The following FAM161A variants were observed in gnomAD, a reference collection of about 807,000 sequenced individuals.
FAM161A encodes the protein protein FAM161A.
Under a neutral mutation model 70.9 loss-of-function variants are expected in FAM161A, and 57 were observed. The ratio of observed to expected loss-of-function variants is 0.80; its 90% CI spans 0.65 to 1.00. The LOEUF (loss-of-function observed/expected upper bound fraction) is 1.00, where lower values mean the gene tolerates loss of function less well. FAM161A is among the 50% of genes least tolerant of loss of function. The pLI is 0.00. For synonymous variants in FAM161A, 299 were observed against 295.7 expected (o/e 1.01, Z -0.12); for missense variants, 880 against 836.0 (o/e 1.05, Z -0.65).
chr2:61,837,587 G>A lies in FAM161A; in HGVS notation c.1751+951C>T, dbSNP rs901685980. Among the ~76,000 whole-genome samples the A allele has an allele frequency of 7.2e-5, 11 of 152,084 alleles. 1 individual carries two copies. Among genetic ancestry groups the A allele is most frequent in the Admixed American group, 2.0e-4 (3 of 15,266 alleles). On this transcript the variant is annotated intron_variant, in intron 4 of 6. Transcript: ENST00000404929. ...AGTTTGAGACCAGCTTGGCCAACAT[G>A]GCAAAACCTCATCTCTACCAAAAAT...
chr2:61,801,913 T>C, the FAM161A span, among the ~76,000 whole-genome samples: 1 of 152,264 alleles, frequency 6.6e-6, no homozygotes, highest in East Asian at 1.9e-4. Context: ...ACTCTAGGAA[T>C]GTAATACAAC....
chr2:61,839,118 T>C (rs898046790), intron 3 of FAM161A, among the ~76,000 whole-genome samples: 1 of 151,798 alleles, frequency 6.6e-6, no homozygotes, highest in African/African-American at 2.4e-5. Context: ...CTCCTGACCT[T>C]GTGATCCACC....
Position 61,837,530 on chromosome 2 carries a change from A to G in FAM161A, c.1751+1008T>C, listed in dbSNP as rs551481960. Among the ~76,000 whole-genome samples the G allele has an allele frequency of 1.8e-3, 272 of 152,250 alleles. 1 individual carries two copies. Among genetic ancestry groups the G allele is most frequent in the African/African-American group, 6.2e-3 (257 of 41,550 alleles). On this transcript the variant is annotated intron_variant, in intron 4 of 6. Transcript: ENST00000404929. ...ACGCCTGTAATCCCAGCACTTTGGG[A>G]GGCCAAGGTAGGCAGATCACCTGAG...
At chr2:61,812,119 C>A in the FAM161A span, among the ~76,000 whole-genome samples, 1 of 152,068 alleles carries the variant, frequency 6.6e-6, no homozygotes, top group South Asian at 2.1e-4. Flanking sequence ...ATTAGAGAGG[C>A]CTTCTTGACT....
At chr2:61,850,611 G>T (rs1313627577) in intron 1 of FAM161A, among the ~76,000 whole-genome samples, 3 of 151,964 alleles carry the variant, frequency 2.0e-5, no homozygotes, top group Non-Finnish European at 4.4e-5. Flanking sequence ...AAATTAGCTG[G>T]GCGTGGTGGC....
chr2:61,802,264 G>T, the FAM161A span, among the ~76,000 whole-genome samples: 1 of 152,066 alleles, frequency 6.6e-6, no homozygotes, highest in Non-Finnish European at 1.5e-5. Context: ...TTCCTTCTCT[G>T]GAGCACCCCA....
At chr2:61,801,009 G>C in the FAM161A span, among the ~76,000 whole-genome samples, 2 of 151,714 alleles carry the variant, frequency 1.3e-5, no homozygotes, top group African/African-American at 2.4e-5. Flanking sequence ...TGGCCAGGCT[G>C]GTCTTGAACT....
At chr2:61,815,144 T>A in the FAM161A span, among the ~76,000 whole-genome samples, 1 of 152,182 alleles carries the variant, frequency 6.6e-6, no homozygotes, top group Non-Finnish European at 1.5e-5. Flanking sequence ...AGACCTTAAG[T>A]CCACACAGCT....
intron 1 of FAM161A, among the ~76,000 whole-genome samples, chr2:61,847,666 G>A (rs886779093): frequency 1.3e-5 from 2 of 152,194 alleles, no homozygotes; most frequent in African/African-American, 4.8e-5. Flanking sequence ...CAGCTAGTTG[G>A]GGGACTGAGG....
At chr2:61,801,681 C>T in the FAM161A span, among the ~76,000 whole-genome samples, 1 of 151,778 alleles carries the variant, frequency 6.6e-6, no homozygotes, top group Non-Finnish European at 1.5e-5. Context: ...CTGCCTTAGC[C>T]TCCTGAGCAG....
intron 1 of FAM161A, among the ~76,000 whole-genome samples, chr2:61,853,138 C>G (rs1188503235): frequency 1.3e-5 from 2 of 151,924 alleles, no homozygotes; most frequent in East Asian, 3.9e-4. Context: ...TCTCGAACTC[C>G]TGACCTCGTA....
chr2:61,808,772 C>T, the FAM161A span, among the ~76,000 whole-genome samples: 1 of 152,098 alleles, frequency 6.6e-6, no homozygotes, highest in Non-Finnish European at 1.5e-5. Flanking sequence ...TTCTGGGTAA[C>T]ATAAAATGAG....
downstream of FAM161A, among the ~76,000 whole-genome samples, chr2:61,823,574 C>T (rs1302516966): frequency 6.6e-6 from 1 of 151,758 alleles, no homozygotes; most frequent in East Asian, 1.9e-4. Flanking sequence ...CCATGTTGCC[C>T]AGGCTGATCT....
chr2:61,839,648 TGTTAAGA>T lies in FAM161A; in HGVS notation c.1349_1355del (p.Leu450GlnfsTer32). On this transcript the variant is annotated frameshift_variant, in exon 3 of 7. Transcript: ENST00000404929. LOFTEE classifies it high-confidence loss of function. Reference sequence around the variant, plus strand: ...CATGAAGATCAAATGGTTTACACACTGTTAAGAGTTTTGGAGACTTGTGTTCTGAGAG... The same window carrying T: ...CATGAAGATCAAATGGTTTACACACTGTTTTGGAGACTTGTGTTCTGAGAG... The T allele has an allele frequency of 6.2e-7, 1 of 1,614,048 alleles. No homozygotes were observed. Among genetic ancestry groups the T allele is most frequent in the Non-Finnish European group, 8.5e-7 (1 of 1,180,006 alleles).
intron 5 of FAM161A, among the ~76,000 whole-genome samples, chr2:61,834,305 T>A (rs1035946141): frequency 6.6e-6 from 1 of 151,766 alleles, no homozygotes; most frequent in African/African-American, 2.4e-5. Context: ...AAACACTGGG[T>A]ACACATGGAA....
At chr2:61,805,778 C>T in the FAM161A span, among the ~76,000 whole-genome samples, 2 of 152,118 alleles carry the variant, frequency 1.3e-5, no homozygotes, top group Non-Finnish European at 2.9e-5. Context: ...CAGACTTACC[C>T]AGAGGCAGGT....
intron 4 of FAM161A, 48 bp downstream of exon 4, chr2:61,838,490 A>T: frequency 6.8e-7 from 1 of 1,479,976 alleles, no homozygotes; most frequent in Non-Finnish European, 9.3e-7. Flanking sequence ...TAAAAAAAAA[A>T]GAGTTTGAAA....
At chr2:61,827,813 G>A (rs79425021) in intron 5 of FAM161A, among the ~76,000 whole-genome samples, 177 of 152,028 alleles carry the variant, frequency 1.2e-3, no homozygotes, top group Non-Finnish European at 2.2e-3. Context: ...ACCCCAAATG[G>A]GAAATCACCC....
At chr2:61,808,795 A>G in the FAM161A span, among the ~76,000 whole-genome samples, 1 of 152,234 alleles carries the variant, frequency 6.6e-6, no homozygotes, top group Admixed American at 6.5e-5. Context: ...ACAAATAGCG[A>G]GGCAAGATTT....
Sources: allele counts gnomAD v4.1 joint callset (sites outside exome capture counted in the v4.1 genomes callset), GRCh38; gene constraint gnomAD v4.1.1; transcripts MANE v1.5; gene names NCBI Gene and HGNC (gene_info 2026-07-23, HGNC 2026-07-21).